NSD3: variants seen among roughly 807,000 people sequenced by gnomAD.
NSD3 encodes histone-lysine N-methyltransferase NSD3.
NSD3 carries 24 observed loss-of-function variants against 160.8 expected under a neutral mutation model. That is an observed-to-expected ratio of 0.15 (90% CI 0.11 to 0.21). NSD3 has a LOEUF of 0.21. Ranked by LOEUF, NSD3 falls within the 10% of genes least tolerant of loss-of-function variation. The pLI is 1.00. For synonymous variants in NSD3, 520 were observed against 600.0 expected (o/e 0.87, Z 1.95); for missense variants, 1,157 against 1,735.9 (o/e 0.67, Z 5.93).
chr8:38,320,674 T>C (rs1809778277), intron 8 of NSD3: 1 of 153,146 alleles, frequency 6.5e-6, no homozygotes, highest in South Asian at 2.1e-4. Flanking sequence ...AATTGATTTG[T>C]TTAAAAAATA....
In NSD3 at chr8:38,318,991, A is replaced by C. The variant is rs746458553; in HGVS notation, c.1810-51T>G. Reference sequence around the variant, plus strand: ...TAACAAAGAATTTTTTTCCCTTTTAATTATTAACAGAGGGAAAAGATACTT... The same window carrying C: ...TAACAAAGAATTTTTTTCCCTTTTACTTATTAACAGAGGGAAAAGATACTT... On this transcript the variant is annotated intron_variant, in intron 8 of 23. Coordinates refer to ENST00000317025, the MANE Select transcript of NSD3 (RefSeq NM_023034.2). This position sits in a 1 kb window ranked among gnomAD's most constrained non-coding sequence, Gnocchi z 5.3. The C allele has an allele frequency of 1.7e-5, 25 of 1,477,312 alleles. No individual in the cohort carries two copies. Among genetic ancestry groups the C allele is most frequent in the Non-Finnish European group, 2.3e-5 (25 of 1,074,006 alleles). The allele number at this position is 1,477,312 out of a possible 1,614,324, so 91.5% of individuals were successfully genotyped here.
At chr8:38,378,228 G>A (rs1405451710) in intron 1 of NSD3, among the ~76,000 whole-genome samples, 2 of 152,004 alleles carry the variant, frequency 1.3e-5, no homozygotes, top group South Asian at 2.1e-4. Context: ...CATCTTGGCC[G>A]GGCGTGTTGG....
chr8:38,378,377 C>T (rs957576453), intron 1 of NSD3, among the ~76,000 whole-genome samples: 1 of 152,108 alleles, frequency 6.6e-6, no homozygotes, highest in Non-Finnish European at 1.5e-5. Context: ...CACGGTGGCT[C>T]ACGCCTGTAA....
At chr8:38,347,440 G>C in intron 2 of NSD3, 57 bp downstream of exon 2, 6 of 1,515,324 alleles carry the variant, frequency 4.0e-6, no homozygotes, top group Non-Finnish European at 5.3e-6. Flanking sequence ...AAGATCTCTT[G>C]AACTTCCAGT....
intron 1 of NSD3, among the ~76,000 whole-genome samples, chr8:38,364,842 T>C (rs762772030): frequency 1.3e-5 from 2 of 152,208 alleles, no homozygotes; most frequent in Non-Finnish European, 2.9e-5. Flanking sequence ...CAAAGAATTA[T>C]ATTAATCCAA....
rs367631155 is a variant in NSD3, at chr8:38,337,271, C to T, written c.910+34G>A. On this transcript the variant is annotated intron_variant, in intron 4 of 23. Coordinates refer to ENST00000317025, the MANE Select transcript of NSD3 (RefSeq NM_023034.2). ...TTTAAAAGTCACTTTTATTTCCAAC[C>T]TTTTACTTAGTATCTGTTTATGCCT... The T allele has an allele frequency of 2.3e-5, 35 of 1,515,136 alleles. No homozygotes were observed. The African/African-American group carries it at 4.7e-4, about 20-fold the overall frequency. 93.9% of individuals were successfully genotyped at this position (1,515,136 alleles called of 1,614,324 possible). A position where few individuals can be genotyped will look rare whatever the true frequency, so the allele number is the denominator to read the frequency against.
At chr8:38,280,956 A>G (rs1808720810) in intron 20 of NSD3, among the ~76,000 whole-genome samples, 2 of 151,860 alleles carry the variant, frequency 1.3e-5, no homozygotes, top group South Asian at 2.1e-4. Flanking sequence ...GGGTCTTCCT[A>G]TGTTGCACAG....
At chr8:38,294,400 T>C (rs928450074) in intron 16 of NSD3, among the ~76,000 whole-genome samples, 2 of 152,144 alleles carry the variant, frequency 1.3e-5, no homozygotes, top group Non-Finnish European at 2.9e-5. Context: ...CTGGCCAAGT[T>C]TTAAAACTGT....
chr8:38,303,441 A>C, intron 14 of NSD3: 2 of 977,680 alleles, frequency 2.0e-6, no homozygotes, highest in Non-Finnish European at 2.4e-6. Flanking sequence ...CCAAAGGCAG[A>C]CAGTCACATG....
intron 16 of NSD3, chr8:38,290,894 A>G (rs1808985382): frequency 2.3e-6 from 1 of 436,542 alleles, no homozygotes; most frequent in East Asian, 3.7e-5. Context: ...ACTTTCTTTT[A>G]AAAAATATTT....
intron 12 of NSD3, among the ~76,000 whole-genome samples, chr8:38,309,305 TAAAAATACAAA>T (rs1422193754): frequency 6.6e-6 from 1 of 152,022 alleles, no homozygotes; most frequent in Non-Finnish European, 1.5e-5. Context: ...CTGGCTCTAC[TAAAAATACAAA>T]AATTAGTCGG....
At chr8:38,320,158 C>T (rs987692745) in intron 8 of NSD3, 4 of 152,030 alleles carry the variant, frequency 2.6e-5, no homozygotes, top group Non-Finnish European at 4.4e-5. Flanking sequence ...AAAACTGTTT[C>T]ACTTGCTTGG....
At chr8:38,357,050 C>T (rs545930974) in intron 1 of NSD3, among the ~76,000 whole-genome samples, 32 of 125,282 alleles carry the variant, frequency 2.6e-4, no homozygotes, top group Non-Finnish European at 4.1e-4. Flanking sequence ...ATCTGGGAGG[C>T]GGAGGTTGCA....
chr8:38,325,062 C>A (rs1043879942), intron 7 of NSD3, among the ~76,000 whole-genome samples: 1 of 152,208 alleles, frequency 6.6e-6, no homozygotes, highest in African/African-American at 2.4e-5. Context: ...GTTCTGTGAG[C>A]TGCTCTAGCA....
intron 1 of NSD3, among the ~76,000 whole-genome samples, chr8:38,378,586 G>A (rs888294805): frequency 4.6e-5 from 7 of 152,156 alleles, no homozygotes; most frequent in African/African-American, 1.7e-4. Flanking sequence ...AGCTTGCAGT[G>A]AGCCAAGATC....
intron 1 of NSD3, 54 bp from the exon 2 acceptor site, chr8:38,348,269 G>T: frequency 7.4e-7 from 1 of 1,360,540 alleles, no homozygotes; most frequent in Non-Finnish European, 9.8e-7. Flanking sequence ...TAGGCTAGAG[G>T]CTAATCAACT....
intron 16 of NSD3, among the ~76,000 whole-genome samples, chr8:38,292,748 C>A (rs1809029798): frequency 6.6e-6 from 1 of 151,930 alleles, no homozygotes. Context: ...AAGATCGTGC[C>A]ACTGTACTCC....
Position 38,348,009 on chromosome 8 carries a change from G to C in NSD3, c.163C>G (p.Gln55Glu). The change falls in exon 2 of 24, where the codon CAA becomes GAA. Residue 55 changes from glutamine (Q) to glutamate (E), a missense_variant. Physicochemically the swap from Gln to Glu is conservative, Grantham distance 29 (BLOSUM62 2). This residue lies in a region of NSD3 where 121 missense variants were observed against 177.2 expected (regional missense o/e 0.68). Coordinates refer to ENST00000317025, the MANE Select transcript of NSD3 (RefSeq NM_023034.2). ...GQTPYEATLQQGFQYPATTED... is the reference protein window; with the variant it reads ...GQTPYEATLQEGFQYPATTED... ...GTTGTAGCTGGGTACTGAAAGCCTT[G>C]CTGCAAAGTAGCTTCATATGGTGTC... The C allele has an allele frequency of 6.2e-7, 1 of 1,614,234 alleles. No individual in the cohort carries two copies. Among genetic ancestry groups the C allele is most frequent in the Non-Finnish European group, 8.5e-7 (1 of 1,180,048 alleles).
intron 6 of NSD3, among the ~76,000 whole-genome samples, chr8:38,327,216 AT>A (rs572152629): frequency 2.5e-4 from 37 of 145,616 alleles, no homozygotes; most frequent in Admixed American, 3.4e-4. Flanking sequence ...CGCCCTGCTA[AT>A]TTTTTTTTTT....
Sources: gnomAD v4.1 joint callset for allele counts (sites outside exome capture counted in the v4.1 genomes callset) on GRCh38, gnomAD v4.1.1 for gene constraint, gnomAD v4.1.1 regional missense constraint, Gnocchi (gnomAD v3.1) non-coding constraint, MANE v1.5 for transcripts, NCBI Gene and HGNC (gene_info 2026-07-23, HGNC 2026-07-21) for gene names.